L3MBTL4: variants seen among roughly 807,000 people sequenced by gnomAD.
The protein encoded by L3MBTL4 is L3MBTL histone methyl-lysine binding protein 4.
In L3MBTL4, 70 loss-of-function variants were observed where a neutral mutation model predicts 84.5. That is an observed-to-expected ratio of 0.83 (90% CI 0.68 to 1.01). The LOEUF (loss-of-function observed/expected upper bound fraction) is 1.01. L3MBTL4 is among the 50% of genes least tolerant of loss of function. L3MBTL4 has a pLI of 0.00. For synonymous variants in L3MBTL4, 274 were observed against 259.8 expected (o/e 1.05, Z -0.52); for missense variants, 715 against 754.8 (o/e 0.95, Z 0.62).
intron 15 of L3MBTL4, among the ~76,000 whole-genome samples, chr18:6,090,705 G>A (rs2058423792): frequency 6.7e-6 from 1 of 150,364 alleles, no homozygotes; most frequent in East Asian, 1.9e-4. Flanking sequence ...GCTCACTGCA[G>A]CCTCTGCTTC....
At chr18:6,259,706 G>A (rs945053723) in intron 5 of L3MBTL4, 1 of 151,932 alleles carries the variant, frequency 6.6e-6, no homozygotes, top group Non-Finnish European at 1.5e-5. Flanking sequence ...CATCTGCATA[G>A]TTTGTGAATA....
chr18:6,071,807 G>GAA (rs1329327951), intron 16 of L3MBTL4, among the ~76,000 whole-genome samples: 62 of 112,838 alleles, frequency 5.5e-4, no homozygotes, highest in Middle Eastern at 4.2e-3. Context: ...GAAAGAAAAA[G>GAA]AAAGAAAGGA....
intron 1 of L3MBTL4, among the ~76,000 whole-genome samples, chr18:6,409,039 T>C (rs2055855374): frequency 1.3e-5 from 2 of 152,210 alleles, no homozygotes. Flanking sequence ...AATTTTCTTC[T>C]GTCTGCCTAC....
At chr18:6,359,798 A>T (rs2053602280) in intron 1 of L3MBTL4, among the ~76,000 whole-genome samples, 1 of 151,950 alleles carries the variant, frequency 6.6e-6, no homozygotes, top group South Asian at 2.1e-4. Context: ...TTTTCAATGA[A>T]AGAGACTGTA....
chr18:6,300,051 T>C (rs2050269254), intron 4 of L3MBTL4, among the ~76,000 whole-genome samples: 2 of 145,588 alleles, frequency 1.4e-5, no homozygotes, highest in South Asian at 2.1e-4. Flanking sequence ...TTTTGTTTAG[T>C]ATTTTTTTTG....
intron 1 of L3MBTL4, among the ~76,000 whole-genome samples, chr18:6,410,769 G>A (rs913745187): frequency 1.3e-5 from 2 of 151,996 alleles, no homozygotes; most frequent in African/African-American, 4.8e-5. Context: ...TTGTGGCAGC[G>A]ACCACACTTT....
At chr18:6,202,149 A>T (rs1209176438) in intron 12 of L3MBTL4, among the ~76,000 whole-genome samples, 1 of 152,210 alleles carries the variant, frequency 6.6e-6, no homozygotes, top group African/African-American at 2.4e-5. Context: ...CCTTTTCTGC[A>T]CATCACTTTC....
At chr18:6,199,991 G>C (rs2045582498) in intron 12 of L3MBTL4, among the ~76,000 whole-genome samples, 1 of 152,170 alleles carries the variant, frequency 6.6e-6, no homozygotes, top group South Asian at 2.1e-4. Flanking sequence ...GCCCAGTGAT[G>C]GACAACACCC....
intron 11 of L3MBTL4, among the ~76,000 whole-genome samples, chr18:6,214,406 G>T (rs1304698571): frequency 6.6e-6 from 1 of 152,076 alleles, no homozygotes; most frequent in East Asian, 1.9e-4. Context: ...AAAATCAAAA[G>T]CAACTCTGAT....
chr18:6,125,904 G>A (rs940431195), intron 14 of L3MBTL4, among the ~76,000 whole-genome samples: 3 of 152,160 alleles, frequency 2.0e-5, no homozygotes, highest in Non-Finnish European at 4.4e-5. Context: ...GAAAACACAG[G>A]ACTAAGAGTC....
rs139596724 is a variant in L3MBTL4, at chr18:6,032,487, T to A, written c.1444+48394A>T. Among the ~76,000 whole-genome samples the A allele has an allele frequency of 4.7e-3, 710 of 151,468 alleles. 3 individuals carry two copies. Among genetic ancestry groups the A allele is most frequent in the Non-Finnish European group, 6.8e-3 (462 of 67,902 alleles). ...GGGTTGTGATTGTGGGGGCTGGTAA[T>A]CAGCACATGGGGTCCTTTGTACTGT... On this transcript the variant is annotated intron_variant, in intron 16 of 18. Transcript: ENST00000317931.
chr18:6,053,678 C>T (rs761739565), intron 16 of L3MBTL4, among the ~76,000 whole-genome samples: 1 of 152,196 alleles, frequency 6.6e-6, no homozygotes, highest in Non-Finnish European at 1.5e-5. Context: ...ACCTTGCCTT[C>T]CTTTGCTTCT....
chr18:5,978,498 C>G (rs2053059305), intron 16 of L3MBTL4, among the ~76,000 whole-genome samples: 1 of 152,116 alleles, frequency 6.6e-6, no homozygotes, highest in African/African-American at 2.4e-5. Context: ...GAGGAGACAC[C>G]ATAACTGAAG....
At chr18:6,148,694 G>T (rs2042757110) in intron 13 of L3MBTL4, among the ~76,000 whole-genome samples, 1 of 152,100 alleles carries the variant, frequency 6.6e-6, no homozygotes, top group Non-Finnish European at 1.5e-5. Flanking sequence ...GCTTCCAAGA[G>T]TGCTGGGATT....
At chr18:6,284,704 CCTTTCCCTTCT>C (rs1312172527) in intron 4 of L3MBTL4, among the ~76,000 whole-genome samples, 1 of 152,144 alleles carries the variant, frequency 6.6e-6, no homozygotes, top group Non-Finnish European at 1.5e-5. Flanking sequence ...TCGGCCTTCT[CCTTTCCCTTCT>C]CTTTCCCTCC....
chr18:6,171,009 G>C (rs776575274), intron 13 of L3MBTL4, among the ~76,000 whole-genome samples: 8 of 152,302 alleles, frequency 5.3e-5, no homozygotes, highest in South Asian at 2.1e-4. Context: ...ATGTAGAACT[G>C]TTTGTCCAAT....
At chr18:6,331,836 C>T (rs536869506) in intron 1 of L3MBTL4, among the ~76,000 whole-genome samples, 1 of 151,244 alleles carries the variant, frequency 6.6e-6, no homozygotes, top group South Asian at 2.1e-4. Context: ...AGACAATCAC[C>T]CAAAATAAAG....
At chr18:6,009,634 G>A (rs1038340496) in intron 16 of L3MBTL4, among the ~76,000 whole-genome samples, 4 of 152,124 alleles carry the variant, frequency 2.6e-5, no homozygotes, top group Admixed American at 6.5e-5. Flanking sequence ...CCGTATACCT[G>A]TAATCATCTC....
At chr18:6,319,078 A>G (rs1313166598) in intron 1 of L3MBTL4, among the ~76,000 whole-genome samples, 3 of 152,136 alleles carry the variant, frequency 2.0e-5, no homozygotes, top group African/African-American at 7.2e-5. Context: ...ATTCTTTGAC[A>G]TGAGTGACAA....
Sources: allele counts gnomAD v4.1 joint callset (sites outside exome capture counted in the v4.1 genomes callset), GRCh38; gene constraint gnomAD v4.1.1; transcripts MANE v1.5; gene names NCBI Gene and HGNC (gene_info 2026-07-23, HGNC 2026-07-21).